The following HS3ST3A1 variants were observed in gnomAD, a reference collection of about 807,000 sequenced individuals.
HS3ST3A1 encodes the protein heparan sulfate-glucosamine 3-sulfotransferase 3A1, also known as heparan sulfate glucosamine 3-O-sulfotransferase 3A1.
In HS3ST3A1, 19 loss-of-function variants were observed where a neutral mutation model predicts 25.7. The observed-to-expected ratio is 0.74, with a 90% CI of 0.52 to 1.08. HS3ST3A1 has a LOEUF of 1.08. Ranked by LOEUF, HS3ST3A1 falls within the 50% of genes least tolerant of loss-of-function variation. The pLI is 0.00. For missense variants in HS3ST3A1, 459 were observed against 594.3 expected, an observed-to-expected ratio of 0.77 and a Z score of 2.37; for synonymous variants, 226 against 278.6, an observed-to-expected ratio of 0.81 and a Z score of 1.88.
chr17:13,581,476 A>C (rs1908113071), intron 1 of HS3ST3A1, among the ~76,000 whole-genome samples: 1 of 152,012 alleles, frequency 6.6e-6, no homozygotes. Context: ...CAAAAAAAAA[A>C]AAAAAAACGT....
intron 1 of HS3ST3A1, among the ~76,000 whole-genome samples, chr17:13,592,290 G>A (rs957307182): frequency 5.3e-5 from 8 of 152,108 alleles, no homozygotes; most frequent in African/African-American, 1.9e-4. Context: ...GATAGGACCT[G>A]CATAAAAATA....
At chr17:13,515,619 G>A (rs1366869727) in intron 1 of HS3ST3A1, among the ~76,000 whole-genome samples, 1 of 152,040 alleles carries the variant, frequency 6.6e-6, no homozygotes, top group Non-Finnish European at 1.5e-5. Context: ...TTTTGCAGAG[G>A]TTGTATGTGA....
chr17:13,503,616 C>CGAGA (rs1459316476), intron 1 of HS3ST3A1, among the ~76,000 whole-genome samples: 1 of 152,118 alleles, frequency 6.6e-6, no homozygotes, highest in Non-Finnish European at 1.5e-5. Flanking sequence ...AATAAACACA[C>CGAGA]GAGAAGGCAC....
At chr17:13,562,411 A>G (rs1907572600) in intron 1 of HS3ST3A1, among the ~76,000 whole-genome samples, 1 of 152,160 alleles carries the variant, frequency 6.6e-6, no homozygotes, top group Non-Finnish European at 1.5e-5. Context: ...TCGGGCACAC[A>G]CGAGGGACAG....
At chr17:13,548,624 C>G (rs1197969615) in intron 1 of HS3ST3A1, among the ~76,000 whole-genome samples, 3 of 152,162 alleles carry the variant, frequency 2.0e-5, no homozygotes, top group Non-Finnish European at 2.9e-5. Flanking sequence ...GTGAAGCTGA[C>G]TGGGCTTCTG....
At chr17:13,589,770 A>C (rs1908372328) in intron 1 of HS3ST3A1, among the ~76,000 whole-genome samples, 1 of 152,206 alleles carries the variant, frequency 6.6e-6, no homozygotes, top group Non-Finnish European at 1.5e-5. Context: ...TTTTTTCAAA[A>C]CATGGAGTTA....
chr17:13,556,262 C>A (rs1907369455), intron 1 of HS3ST3A1, among the ~76,000 whole-genome samples: 1 of 152,178 alleles, frequency 6.6e-6, no homozygotes, highest in Non-Finnish European at 1.5e-5. Flanking sequence ...AATCCCAGCA[C>A]TTTGGGAGGC....
intron 1 of HS3ST3A1, among the ~76,000 whole-genome samples, chr17:13,531,333 A>G (rs957197849): frequency 2.0e-5 from 3 of 152,208 alleles, no homozygotes; most frequent in Non-Finnish European, 4.4e-5. Context: ...CTCCCGTTGC[A>G]TATCACCTTC....
At chr17:13,571,924 T>C (rs893306929) in intron 1 of HS3ST3A1, among the ~76,000 whole-genome samples, 5 of 152,104 alleles carry the variant, frequency 3.3e-5, no homozygotes, top group Non-Finnish European at 5.9e-5. Flanking sequence ...TGCATCTGGC[T>C]AATTTTTGTA....
chr17:13,546,279 T>A (rs1020619999), intron 1 of HS3ST3A1, among the ~76,000 whole-genome samples: 4 of 152,030 alleles, frequency 2.6e-5, no homozygotes, highest in Non-Finnish European at 5.9e-5. Context: ...TCTTTCTTTC[T>A]TTTTTTTGAC....
At chr17:13,525,450 G>A (rs1027221258) in intron 1 of HS3ST3A1, among the ~76,000 whole-genome samples, 1 of 151,684 alleles carries the variant, frequency 6.6e-6, no homozygotes, top group African/African-American at 2.4e-5. Flanking sequence ...ATAATTGCAG[G>A]GTTTTTGTGT....
intron 1 of HS3ST3A1, among the ~76,000 whole-genome samples, chr17:13,498,851 G>A (rs1330967528): frequency 6.6e-6 from 1 of 151,852 alleles, no homozygotes. Context: ...CTTTTCTCCT[G>A]TGAATCGGCC....
At chr17:13,598,924 C>T (rs1908650190) in intron 1 of HS3ST3A1, among the ~76,000 whole-genome samples, 1 of 152,148 alleles carries the variant, frequency 6.6e-6, no homozygotes, top group Non-Finnish European at 1.5e-5. Flanking sequence ...CAGAGCCCAA[C>T]ATAGTGTTAG....
chr17:13,551,922 A>T (rs1007830838), intron 1 of HS3ST3A1, among the ~76,000 whole-genome samples: 3 of 152,190 alleles, frequency 2.0e-5, no homozygotes, highest in African/African-American at 7.2e-5. Flanking sequence ...ACTCTATCTA[A>T]CTAAGCTGCA....
chr17:13,553,786 C>T (rs371854177), intron 1 of HS3ST3A1, among the ~76,000 whole-genome samples: 1 of 152,240 alleles, frequency 6.6e-6, no homozygotes, highest in East Asian at 1.9e-4. Flanking sequence ...AGCTCATCAT[C>T]CCTAATCCCC....
intron 1 of HS3ST3A1, among the ~76,000 whole-genome samples, chr17:13,513,571 T>C (rs1659251325): frequency 6.6e-6 from 1 of 152,230 alleles, no homozygotes; most frequent in Non-Finnish European, 1.5e-5. Context: ...TTTATGTTAA[T>C]AACTTATTTA....
At chr17:13,583,029 G>A (rs887958596) in intron 1 of HS3ST3A1, among the ~76,000 whole-genome samples, 1 of 152,184 alleles carries the variant, frequency 6.6e-6, no homozygotes, top group African/African-American at 2.4e-5. Flanking sequence ...AGTGGTAACT[G>A]AAAGGCAATA....
intron 1 of HS3ST3A1, among the ~76,000 whole-genome samples, chr17:13,583,363 T>C (rs897893784): frequency 6.6e-6 from 1 of 152,224 alleles, no homozygotes. Flanking sequence ...TTTCTGGTCA[T>C]GCAATGAAAT....
At position 13,550,707 on chromosome 17, in the gene HS3ST3A1, AAAC is replaced by A. The variant is rs150129442; in HGVS notation, c.599+49821_599+49823del. Reference sequence around the variant, plus strand: ...GGTGCAAAATGGAAGGCAAACACCAAAACAACAACAACAACAACAACAACAACA... The same window carrying A: ...GGTGCAAAATGGAAGGCAAACACCAAAACAACAACAACAACAACAACAACA... On this transcript the variant is annotated intron_variant, in intron 1 of 1. Coordinates refer to ENST00000284110, the MANE Select transcript of HS3ST3A1 (RefSeq NM_006042.3). Among the ~76,000 whole-genome samples the A allele has an allele frequency of 7.8e-3, 1,184 of 151,320 alleles. 6 individuals carry two copies. Among genetic ancestry groups the A allele is most frequent in the South Asian group, 0.013 (64 of 4,784 alleles).
Sources: gnomAD v4.1 joint callset for allele counts (sites outside exome capture counted in the v4.1 genomes callset) on GRCh38, gnomAD v4.1.1 for gene constraint, MANE v1.5 for transcripts, NCBI Gene and HGNC (gene_info 2026-07-23, HGNC 2026-07-21) for gene names.